Variants in USH2A observed in about 807,000 individuals in gnomAD.
USH2A encodes the protein usherin, also known as Usher syndrome 2A (autosomal recessive, mild).
Under a neutral mutation model 538.9 loss-of-function variants are expected in USH2A, and 443 were observed. That is an observed-to-expected ratio of 0.82 (90% CI 0.76 to 0.89). USH2A has a LOEUF of 0.89. Among genes scored for constraint, USH2A ranks in the 40% least tolerant of loss-of-function variants. The pLI, the probability that USH2A is intolerant of heterozygous loss-of-function variation, is 0.00. For synonymous variants in USH2A, 2,413 were observed against 2,273.5 expected (o/e 1.06, Z -1.75); for missense variants, 6,633 against 6,324.8 (o/e 1.05, Z -1.65).
In USH2A at chr1:215,920,042, T is replaced by C. The variant is rs560204359; in HGVS notation, c.7300+14574A>G. 7.2e-5 allele frequency among the ~76,000 whole-genome samples: 11 copies of C among 151,864 alleles called. No individual in the cohort carries two copies. In the South Asian group the frequency reaches 1.9e-3, roughly 26 times the overall value. On this transcript the variant is annotated intron_variant, in intron 38 of 71. Coordinates refer to ENST00000307340, the MANE Select transcript of USH2A (RefSeq NM_206933.4). ...AGTACACAGTTCATAATTCATTTGA[T>C]ATAAAATGTCAGTTTAGATTCTTGC...
rs762099495 is a variant in USH2A, at chr1:215,650,815, TCAA to T, written c.14134-17_14134-15del. 5 of 1,472,104 alleles carry T rather than the reference TCAA, an allele frequency of 3.4e-6. No homozygotes were observed. The African/African-American group carries it at 5.6e-5, about 16-fold the overall frequency. 91.2% of individuals were successfully genotyped at this position (1,472,104 alleles called of 1,614,324 possible). A position where few individuals can be genotyped will look rare whatever the true frequency, so the allele number is the denominator to read the frequency against. The stretch of plus-strand genomic sequence containing the variant: ...CACTGCCCAGACCTCCAAAGAGAAA[TCAA>T]CAAGACTGTCAAAAGCAAGATACCC... On this transcript the variant is annotated splice_polypyrimidine_tract_variant and intron_variant, in intron 64 of 71. Transcript: ENST00000307340.
At chr1:215,751,655 C>T (rs1461511043) in intron 58 of USH2A, among the ~76,000 whole-genome samples, 1 of 152,070 alleles carries the variant, frequency 6.6e-6, no homozygotes, top group Admixed American at 6.6e-5. Flanking sequence ...ATTAAGGTAA[C>T]ATATATCCTT....
intron 9 of USH2A, among the ~76,000 whole-genome samples, chr1:216,305,912 AC>A (rs1272533418): frequency 6.6e-6 from 1 of 152,130 alleles, no homozygotes; most frequent in African/African-American, 2.4e-5. Context: ...TTCATAGGTT[AC>A]CTGATGCTTT....
intron 9 of USH2A, among the ~76,000 whole-genome samples, chr1:216,300,358 C>T (rs915689594): frequency 2.6e-5 from 4 of 152,152 alleles, no homozygotes; most frequent in Non-Finnish European, 5.9e-5. Flanking sequence ...CTGGATTCCC[C>T]CGATATGTCC....
At chr1:216,020,912 T>G (rs1571895179) in intron 32 of USH2A, among the ~76,000 whole-genome samples, 1 of 152,136 alleles carries the variant, frequency 6.6e-6, no homozygotes, top group Admixed American at 6.5e-5. Context: ...TCTAGCAAAT[T>G]ATCAACCCTG....
At chr1:216,324,471 C>T (rs1339317630) in intron 6 of USH2A, 119 bp from the exon 7 acceptor site, 3 of 975,698 alleles carry the variant, frequency 3.1e-6, no homozygotes, top group Middle Eastern at 6.5e-4. Context: ...TTATAGTTAT[C>T]AAATATGTAT....
At chr1:215,738,252 G>C (rs1435808373) in intron 60 of USH2A, among the ~76,000 whole-genome samples, 1 of 152,204 alleles carries the variant, frequency 6.6e-6, no homozygotes, top group South Asian at 2.1e-4. Context: ...AACTCATTGA[G>C]AGGAGGAAGC....
intron 32 of USH2A, among the ~76,000 whole-genome samples, chr1:216,021,765 T>C (rs1021084745): frequency 6.6e-6 from 1 of 152,180 alleles, no homozygotes; most frequent in Non-Finnish European, 1.5e-5. Flanking sequence ...GAGGACCTGA[T>C]TGTGAGTGTA....
chr1:215,949,002 T>A (rs1045480874), intron 37 of USH2A, among the ~76,000 whole-genome samples: 3 of 152,056 alleles, frequency 2.0e-5, no homozygotes, highest in African/African-American at 7.2e-5. Context: ...TCCAGCTAAG[T>A]TCATATGACT....
intron 44 of USH2A, among the ~76,000 whole-genome samples, chr1:215,862,029 G>A (rs1411371778): frequency 4.6e-5 from 7 of 151,838 alleles, no homozygotes; most frequent in Admixed American, 2.0e-4. Flanking sequence ...TAGTAGAGAC[G>A]GAGTTTCACC....
chr1:216,386,823 C>T (rs1243468380), intron 3 of USH2A, among the ~76,000 whole-genome samples: 3 of 152,054 alleles, frequency 2.0e-5, no homozygotes, highest in African/African-American at 7.2e-5. Flanking sequence ...CCACTGCAAT[C>T]CAGCCTGGGC....
intron 42 of USH2A, 49 bp downstream of exon 42, chr1:215,878,715 G>A (rs1171741833): frequency 1.3e-6 from 2 of 1,579,418 alleles, no homozygotes; most frequent in African/African-American, 2.7e-5. Flanking sequence ...CTACTTCTCA[G>A]AGAGATAAGG....
chr1:216,125,043 C>G (rs550009646), intron 21 of USH2A, among the ~76,000 whole-genome samples: 1 of 152,182 alleles, frequency 6.6e-6, no homozygotes, highest in African/African-American at 2.4e-5. Flanking sequence ...GATGAATGTG[C>G]TTTAATCTAT....
intron 50 of USH2A, among the ~76,000 whole-genome samples, chr1:215,790,752 G>C (rs1171718587): frequency 6.6e-6 from 1 of 152,212 alleles, no homozygotes; most frequent in Non-Finnish European, 1.5e-5. Flanking sequence ...AAGCCCTGCG[G>C]GAGAAGCAGT....
chr1:216,053,383 A>G (rs1340445155), intron 30 of USH2A, among the ~76,000 whole-genome samples: 2 of 151,606 alleles, frequency 1.3e-5, no homozygotes, highest in Non-Finnish European at 2.9e-5. Context: ...GAAGAAGTAT[A>G]TCCTGAAAGG....
intron 13 of USH2A, among the ~76,000 whole-genome samples, chr1:216,234,391 G>A (rs986854795): frequency 3.3e-5 from 5 of 152,210 alleles, no homozygotes; most frequent in East Asian, 1.9e-4. Flanking sequence ...GCCAGGTTAC[G>A]CTATTTGTTT....
At chr1:216,371,352 C>A (rs2038710518) in intron 3 of USH2A, among the ~76,000 whole-genome samples, 1 of 152,154 alleles carries the variant, frequency 6.6e-6, no homozygotes, top group South Asian at 2.1e-4. Flanking sequence ...TAAAATGTGG[C>A]TCCAGAAATA....
chr1:216,243,923 A>G (rs2035983911), intron 13 of USH2A, among the ~76,000 whole-genome samples: 1 of 152,214 alleles, frequency 6.6e-6, no homozygotes, highest in Non-Finnish European at 1.5e-5. Context: ...GATCTGTATT[A>G]TTATTTCTTG....
chr1:216,050,082 C>T (rs559299787), intron 30 of USH2A, among the ~76,000 whole-genome samples: 1 of 152,324 alleles, frequency 6.6e-6, no homozygotes, highest in East Asian at 1.9e-4. Flanking sequence ...TGTTAAATCT[C>T]CCAGATCATG....
Sources: allele counts gnomAD v4.1 joint callset (sites outside exome capture counted in the v4.1 genomes callset), GRCh38; gene constraint gnomAD v4.1.1; transcripts MANE v1.5; gene names NCBI Gene and HGNC (gene_info 2026-07-23, HGNC 2026-07-21).